Variants in DDR2 observed in about 807,000 individuals in gnomAD.
The protein encoded by DDR2 is discoidin domain-containing receptor 2.
Under a neutral mutation model 94.9 loss-of-function variants are expected in DDR2, and 27 were observed. The observed-to-expected ratio is 0.28, with a 90% CI of 0.21 to 0.39. The LOEUF (loss-of-function observed/expected upper bound fraction) is 0.39, where lower values mean the gene tolerates loss of function less well. Ranked by LOEUF, DDR2 falls within the 10% of genes least tolerant of loss-of-function variation. The pLI is 1.00. For synonymous variants in DDR2, 382 were observed against 377.2 expected (o/e 1.01, Z -0.15); for missense variants, 783 against 1,076.0 (o/e 0.73, Z 3.81).
rs372646707 is a variant in DDR2, at chr1:162,770,040, CT to C, written c.1294-252del. ...GTTCTTATAGCAACAGGGAGATAAT[CT>C]TTTTTTTTTAAGTGTTTCAGAAAGC... is the stretch of plus-strand genomic sequence containing the variant. On this transcript the variant is annotated intron_variant, in intron 11 of 17. Transcript: ENST00000367921. Among the ~76,000 whole-genome samples the C allele has an allele frequency of 3.8e-4, 57 of 149,508 alleles. 2 individuals are homozygous for C. In the South Asian group the frequency reaches 5.1e-3, roughly 13 times the overall value.
chr1:162,772,009 C>T lies in DDR2; in HGVS notation c.1505-15C>T, dbSNP rs2102185659. ...CACTCCACGGAATGAGGGCTCGTTG[C>T]CCTTGTCTTCCCAGGCTGCAGCGGT... On this transcript the variant is annotated splice_polypyrimidine_tract_variant and intron_variant, in intron 12 of 17. Coordinates refer to ENST00000367921, the MANE Select transcript of DDR2 (RefSeq NM_006182.4). The T allele has an allele frequency of 1.9e-6, 3 of 1,589,708 alleles. No individual in the cohort carries two copies. Among genetic ancestry groups the T allele is most frequent in the Non-Finnish European group, 2.6e-6 (3 of 1,168,162 alleles).
intron 3 of DDR2, among the ~76,000 whole-genome samples, chr1:162,729,301 T>TATATATATATATATA (rs755861408): frequency 1.5e-4 from 9 of 60,106 alleles, no homozygotes; most frequent in African/African-American, 6.6e-4. Flanking sequence ...TATATATATA[T>TATATATATATATATA]TTTTTTTTTT....
chr1:162,658,854 G>A (rs1339296227), intron 2 of DDR2, among the ~76,000 whole-genome samples: 7 of 24,854 alleles, frequency 2.8e-4, no homozygotes, highest in Non-Finnish European at 9.3e-4. Context: ...ATAAATAAAA[G>A]TTCTTCAAAG....
chr1:162,757,807 C>T (rs1030885974), intron 7 of DDR2, among the ~76,000 whole-genome samples: 5 of 152,016 alleles, frequency 3.3e-5, no homozygotes, highest in Admixed American at 1.3e-4. Context: ...AGGCCATAAC[C>T]GTGACTGTGG....
chr1:162,708,478 C>T (rs1660754549), intron 2 of DDR2, among the ~76,000 whole-genome samples: 1 of 152,198 alleles, frequency 6.6e-6, no homozygotes, highest in East Asian at 1.9e-4. Context: ...TCAAAACAAG[C>T]TCCTGGGCCT....
intron 11 of DDR2, among the ~76,000 whole-genome samples, chr1:162,768,598 A>G (rs1234431488): frequency 6.6e-6 from 1 of 152,180 alleles, no homozygotes; most frequent in Admixed American, 6.5e-5. Flanking sequence ...GCAGGATGGG[A>G]GAAAAATGGC....
chr1:162,688,466 T>G (rs1659798217), intron 2 of DDR2, among the ~76,000 whole-genome samples: 1 of 152,248 alleles, frequency 6.6e-6, no homozygotes, highest in Admixed American at 6.5e-5. Flanking sequence ...GTTAAGTGTT[T>G]CAGCCCAGGT....
In DDR2 at chr1:162,782,101, G is replaced by A. The variant is rs986080623; in HGVS notation, c.*1855G>A. 6.6e-6 allele frequency: 1 copy of A among 152,244 alleles called. No homozygotes were observed. The highest frequency in any genetic ancestry group is 2.4e-5 in the African/African-American group (1 of 41,458). 9.4% of individuals were successfully genotyped at this position (152,244 alleles called of 1,614,324 possible). ...GCTTTAGTCTATCCCAGGACTAACT[G>A]TGGAGAAATCATTGGTTTGAGAGTC... On this transcript the variant is annotated 3_prime_UTR_variant, in exon 18 of 18. Transcript: ENST00000367921.
At chr1:162,762,548 C>T (rs148831564) in intron 9 of DDR2, among the ~76,000 whole-genome samples, 59 of 152,218 alleles carry the variant, frequency 3.9e-4, no homozygotes, top group African/African-American at 1.3e-3. Flanking sequence ...TGCTAAATGA[C>T]GATTTTCTAA....
rs1453954121 is a variant in DDR2 at position 162,785,230 on chromosome 1, C to T, written c.*4984C>T. 6.6e-6 allele frequency: 1 copy of T among 152,032 alleles called. No homozygotes were observed. The highest frequency in any genetic ancestry group is 2.4e-5 in the African/African-American group (1 of 41,392). The allele number at this position is 152,032 out of a possible 1,614,324, so 9.4% of individuals were successfully genotyped here. Reference sequence around the variant, plus strand: ...TTCTAGATGCTTCCTGCTGCTTCTACGTGAGTAGGATTAGCACTGGGGACA... The same window carrying T: ...TTCTAGATGCTTCCTGCTGCTTCTATGTGAGTAGGATTAGCACTGGGGACA... On this transcript the variant is annotated 3_prime_UTR_variant, in exon 18 of 18. Coordinates refer to ENST00000367921, the MANE Select transcript of DDR2 (RefSeq NM_006182.4).
At chr1:162,754,602 T>C (rs1457103279) in intron 4 of DDR2, 22 bp from the exon 5 acceptor site, 1 of 1,612,254 alleles carries the variant, frequency 6.2e-7, no homozygotes, top group Admixed American at 1.7e-5. Flanking sequence ...GCTCCCTCTC[T>C]CCCCAACCCT....
intron 1 of DDR2, among the ~76,000 whole-genome samples, chr1:162,634,122 G>A (rs1204357065): frequency 6.6e-6 from 1 of 152,170 alleles, no homozygotes; most frequent in Admixed American, 6.5e-5. Context: ...AGGTGAAGGT[G>A]TCAGGCTATG....
chr1:162,645,039 G>A (rs1467529221), intron 1 of DDR2, among the ~76,000 whole-genome samples: 4 of 152,206 alleles, frequency 2.6e-5, no homozygotes, highest in East Asian at 1.9e-4. Context: ...AAGGTGGGTC[G>A]GAAAGTTTGT....
intron 2 of DDR2, among the ~76,000 whole-genome samples, chr1:162,670,928 C>T (rs1181705325): frequency 6.6e-6 from 1 of 152,182 alleles, no homozygotes; most frequent in African/African-American, 2.4e-5. Flanking sequence ...CTGCTTTTTC[C>T]TTTGGCCCTG....
chr1:162,721,099 A>G lies in DDR2; in HGVS notation c.82+1954A>G, dbSNP rs190944809. Among the ~76,000 whole-genome samples, 333 of 152,154 alleles carry G rather than the reference A, an allele frequency of 2.2e-3. 8 individuals carry two copies. Among genetic ancestry groups the G allele is most frequent in the Admixed American group, 0.021 (315 of 15,264 alleles). On this transcript the variant is annotated intron_variant, in intron 3 of 17. Coordinates refer to ENST00000367921, the MANE Select transcript of DDR2 (RefSeq NM_006182.4). The stretch of plus-strand genomic sequence containing the variant: ...AATTGTTGATGTTTGGTTGCCTCCT[A>G]CTACATTCTTCATGCTCTGAGTTCT...
chr1:162,757,123 AG>A (rs2102142448), intron 7 of DDR2, among the ~76,000 whole-genome samples: 1 of 152,354 alleles, frequency 6.6e-6, no homozygotes, highest in South Asian at 2.1e-4. Context: ...ATAGTAGGAA[AG>A]CACAAAAATG....
intron 2 of DDR2, among the ~76,000 whole-genome samples, chr1:162,672,253 G>A (rs1314531585): frequency 6.6e-6 from 1 of 152,168 alleles, no homozygotes; most frequent in Non-Finnish European, 1.5e-5. Context: ...CTGTCTCATA[G>A]AGTTGTGATG....
chr1:162,701,022 C>A (rs780573441), intron 2 of DDR2, among the ~76,000 whole-genome samples: 1 of 150,814 alleles, frequency 6.6e-6, no homozygotes, highest in African/African-American at 2.4e-5. Context: ...CATTCAAAAC[C>A]CTGATAAATA....
At chr1:162,729,441 G>GTAAA (rs1194545648) in intron 3 of DDR2, among the ~76,000 whole-genome samples, 2 of 150,214 alleles carry the variant, frequency 1.3e-5, no homozygotes, top group Non-Finnish European at 3.0e-5. Flanking sequence ...CACATACACA[G>GTAAA]TAAAGTAGAA....
Sources: gnomAD v4.1 joint callset for allele counts (sites outside exome capture counted in the v4.1 genomes callset) on GRCh38, gnomAD v4.1.1 for gene constraint, MANE v1.5 for transcripts, NCBI Gene and HGNC (gene_info 2026-07-23, HGNC 2026-07-21) for gene names.